STMND1: variants seen among roughly 807,000 people sequenced by gnomAD.
The protein encoded by STMND1 is stathmin domain-containing protein 1.
Under a neutral mutation model 23.0 loss-of-function variants are expected in STMND1, and 17 were observed. That is an observed-to-expected ratio of 0.74 (90% confidence interval 0.51 to 1.11). The LOEUF (loss-of-function observed/expected upper bound fraction) is 1.11. Ranked by LOEUF, STMND1 falls within the 50% of genes least tolerant of loss-of-function variation. The pLI, the probability that STMND1 is intolerant of heterozygous loss-of-function variation, is 0.00. For missense variants in STMND1, 305 were observed against 329.1 expected (o/e 0.93, Z 0.57); for synonymous variants, 114 against 119.9 (o/e 0.95, Z 0.32).
At chr6:17,126,194 A>G (rs1761303140) in intron 3 of STMND1, among the ~76,000 whole-genome samples, 1 of 149,240 alleles carries the variant, frequency 6.7e-6, no homozygotes. Context: ...CTGGGATTAC[A>G]GCGTGAGCCA....
Position 17,115,109 on chromosome 6 carries a change from C to G in STMND1, c.229C>G (p.Pro77Ala), listed in dbSNP as rs1761140558. Residue 77 changes from proline to alanine, a missense_variant, in exon 2 of 5, where the codon CCT becomes GCT. Coordinates refer to ENST00000536551, the MANE Select transcript of STMND1 (RefSeq NM_001190766.2). ...AACCATTTCAGAAAATTCTCCATCT[C>G]CTAGTGAAAGAAACAGACGAGTAAA... is the stretch of plus-strand genomic sequence containing the variant. ...PGTISENSPSPSERNRRVNSD... is the reference protein window; with the variant it reads ...PGTISENSPSASERNRRVNSD... 3 of 1,535,698 alleles carry G rather than the reference C, an allele frequency of 2.0e-6. No homozygotes were observed. The highest frequency in any genetic ancestry group is 2.6e-6 in the Non-Finnish European group (3 of 1,146,770).
rs980836565 is a variant in STMND1, at chr6:17,114,896, A to T, written c.82-66A>T. 2.8e-6 allele frequency: 4 copies of T among 1,421,986 alleles called. No homozygotes were observed. The African/African-American group carries it at 5.7e-5, about 20-fold the overall frequency. 88.1% of individuals were successfully genotyped at this position (1,421,986 alleles called of 1,614,324 possible). ...AGCTGGCTAAATATTCACAAAGCAG[A>T]CCCTGCAACATTGTTTTTATTTACC... On this transcript the variant is annotated intron_variant, in intron 1 of 4. Coordinates refer to ENST00000536551, the MANE Select transcript of STMND1 (RefSeq NM_001190766.2).
intron 1 of STMND1, among the ~76,000 whole-genome samples, chr6:17,108,618 C>G (rs1019638635): frequency 6.6e-6 from 1 of 152,006 alleles, no homozygotes; most frequent in African/African-American, 2.4e-5. Flanking sequence ...TTCAACATGA[C>G]TTACGTGATG....
chr6:17,123,402 A>G (rs61403640), intron 3 of STMND1, among the ~76,000 whole-genome samples: 4,615 of 152,268 alleles, frequency 0.03, 239 homozygotes, highest in African/African-American at 0.11. Context: ...ATATCCCAAC[A>G]TAAGCCAGGC....
intron 1 of STMND1, among the ~76,000 whole-genome samples, chr6:17,112,405 AAAT>A (rs1322457682): frequency 6.6e-6 from 1 of 152,180 alleles, no homozygotes; most frequent in African/African-American, 2.4e-5. Flanking sequence ...GGGGTATTAT[AAAT>A]AATAATTGTG....
intron 3 of STMND1, among the ~76,000 whole-genome samples, chr6:17,127,762 T>C (rs968992269): frequency 6.6e-6 from 1 of 152,140 alleles, no homozygotes; most frequent in Non-Finnish European, 1.5e-5. Flanking sequence ...TTAAAAAAAG[T>C]CTTTAGAGAA....
rs1194325282 is a variant in STMND1 at position 17,110,772 on chromosome 6, A to G, written c.82-4190A>G. The G allele has an allele frequency of 2.2e-5, 10 of 455,618 alleles. No homozygotes were observed. The East Asian group carries it at 4.9e-4, about 22-fold the overall frequency. 28.2% of individuals were successfully genotyped at this position (455,618 alleles called of 1,614,324 possible). ...GACAGAGCAAGACTCTGTCTCAAAA[A>G]AATAAAAAATAGACATTAAAAGAAT... On this transcript the variant is annotated intron_variant, in intron 1 of 4. Coordinates refer to ENST00000536551, the MANE Select transcript of STMND1 (RefSeq NM_001190766.2).
At chr6:17,129,760 C>T (rs1226972098) in intron 4 of STMND1, among the ~76,000 whole-genome samples, 4 of 151,882 alleles carry the variant, frequency 2.6e-5, no homozygotes, top group Non-Finnish European at 5.9e-5. Context: ...AGGAGAATGG[C>T]GTGAACCCGG....
intron 1 of STMND1, among the ~76,000 whole-genome samples, chr6:17,113,972 A>ATG: frequency 6.6e-6 from 1 of 152,224 alleles, no homozygotes; most frequent in South Asian, 2.1e-4. Context: ...ATTCACACAA[A>ATG]TTTAGTGGCT....
chr6:17,129,249 G>T lies in STMND1; in HGVS notation c.543+6G>T. On this transcript the variant is annotated splice_donor_region_variant and intron_variant, in intron 4 of 4. Coordinates refer to ENST00000536551, the MANE Select transcript of STMND1 (RefSeq NM_001190766.2). ...CTGCCGAGGAGCGCAGGAAGGTAGT[G>T]AGCTCTCAGATGCTCTAGGCTTGAG... 6.5e-7 allele frequency: 1 copy of T among 1,535,744 alleles called. No homozygotes were observed. The highest frequency in any genetic ancestry group is 8.7e-7 in the Non-Finnish European group (1 of 1,146,734).
intron 1 of STMND1, among the ~76,000 whole-genome samples, chr6:17,112,930 C>T (rs757893156): frequency 1.3e-5 from 2 of 152,182 alleles, no homozygotes; most frequent in Admixed American, 1.3e-4. Flanking sequence ...CTCACCAACA[C>T]TTGTTATTGT....
chr6:17,105,372 GT>G (rs1320069378), intron 1 of STMND1, among the ~76,000 whole-genome samples: 17 of 152,208 alleles, frequency 1.1e-4, no homozygotes, highest in Non-Finnish European at 1.2e-4. Flanking sequence ...CTGGCCGGGT[GT>G]GGTGGCTCCT....
At chr6:17,113,850 C>G (rs959708010) in intron 1 of STMND1, among the ~76,000 whole-genome samples, 2 of 152,164 alleles carry the variant, frequency 1.3e-5, no homozygotes, top group Non-Finnish European at 2.9e-5. Flanking sequence ...TACTCTCACA[C>G]TCAGTGCTGA....
At chr6:17,114,889 A>C (rs1761137267) in intron 1 of STMND1, 73 bp from the exon 2 acceptor site, 2 of 1,414,486 alleles carry the variant, frequency 1.4e-6, no homozygotes, top group Admixed American at 2.7e-5. Context: ...AAATATTCAC[A>C]AAGCAGACCC....
chr6:17,116,874 T>C (rs970970316), intron 2 of STMND1, among the ~76,000 whole-genome samples: 5 of 152,130 alleles, frequency 3.3e-5, no homozygotes, highest in African/African-American at 1.2e-4. Flanking sequence ...ATTATTTCAC[T>C]CAGATTCCCC....
intron 1 of STMND1, among the ~76,000 whole-genome samples, chr6:17,109,524 T>C (rs1220488651): frequency 6.6e-6 from 1 of 152,202 alleles, no homozygotes; most frequent in Non-Finnish European, 1.5e-5. Flanking sequence ...TTTTTTAAAT[T>C]TGTATGACTT....
At chr6:17,119,036 C>T (rs1169959940) in intron 2 of STMND1, among the ~76,000 whole-genome samples, 1 of 152,140 alleles carries the variant, frequency 6.6e-6, no homozygotes, top group Non-Finnish European at 1.5e-5. Context: ...AAAAATCACT[C>T]CAATTCCTTG....
chr6:17,111,218 T>A (rs1335144336), intron 1 of STMND1, among the ~76,000 whole-genome samples: 1 of 152,166 alleles, frequency 6.6e-6, no homozygotes, highest in African/African-American at 2.4e-5. Context: ...TTGACCTATT[T>A]ACAAGCAATG....
rs1761347937 is a variant in STMND1, at chr6:17,129,035, T to C, written c.412-77T>C. The C allele has an allele frequency of 2.8e-5, 40 of 1,412,042 alleles. No individual in the cohort carries two copies. The South Asian group carries it at 5.1e-4, about 18-fold the overall frequency. The allele number at this position is 1,412,042 out of a possible 1,614,324, so 87.5% of individuals were successfully genotyped here. ...GACTAGAATTTACATTTTAAACTGT[T>C]TATTCTAACTCTTTTGCCCTTCTCT... On this transcript the variant is annotated intron_variant, in intron 3 of 4. Coordinates refer to ENST00000536551, the MANE Select transcript of STMND1 (RefSeq NM_001190766.2).
Sources: allele counts gnomAD v4.1 joint callset (sites outside exome capture counted in the v4.1 genomes callset), GRCh38; gene constraint gnomAD v4.1.1; transcripts MANE v1.5; gene names NCBI Gene and HGNC (gene_info 2026-07-23, HGNC 2026-07-21).